The following ARHGAP24 variants were observed in gnomAD, a reference collection of about 807,000 sequenced individuals.
ARHGAP24 encodes the protein Rho GTPase activating protein 24.
ARHGAP24 carries 50 observed loss-of-function variants against 76.4 expected under a neutral mutation model. The observed-to-expected ratio is 0.65, with a 90% CI of 0.52 to 0.83. The LOEUF (loss-of-function observed/expected upper bound fraction) is 0.83, where lower values mean the gene tolerates loss of function less well. Ranked by LOEUF, ARHGAP24 falls within the 40% of genes least tolerant of loss-of-function variation. The pLI, the probability that ARHGAP24 is intolerant of heterozygous loss-of-function variation, is 0.00. For missense variants in ARHGAP24, 930 were observed against 914.2 expected (o/e 1.02, Z -0.22); for synonymous variants, 345 against 323.3 (o/e 1.07, Z -0.72).
intron 2 of ARHGAP24, among the ~76,000 whole-genome samples, chr4:85,615,549 A>G (rs1266470444): frequency 2.0e-5 from 3 of 152,152 alleles, no homozygotes; most frequent in Non-Finnish European, 4.4e-5. Context: ...CTTTTCCACA[A>G]TTCTCAGTTG....
At chr4:85,895,001 C>CAAAAAAAAAAAAAAAAAAA (rs1222078793) in intron 3 of ARHGAP24, among the ~76,000 whole-genome samples, 12 of 54,334 alleles carry the variant, frequency 2.2e-4, no homozygotes, top group African/African-American at 3.3e-4. Flanking sequence ...AAACAAAAAG[C>CAAAAAAAAAAAAAAAAAAA]AAAAAAAAAA....
At chr4:85,630,994 T>TAC (rs537432522) in intron 2 of ARHGAP24, among the ~76,000 whole-genome samples, 281 of 152,028 alleles carry the variant, frequency 1.8e-3, no homozygotes, top group African/African-American at 6.7e-3. Context: ...CACGTATATA[T>TAC]ACACACACAT....
chr4:85,656,417 G>GACA, intron 2 of ARHGAP24, among the ~76,000 whole-genome samples: 1 of 151,916 alleles, frequency 6.6e-6, no homozygotes, highest in Non-Finnish European at 1.5e-5. Context: ...TAATATGATA[G>GACA]GACTTTAGAA....
At chr4:85,615,743 T>A (rs1397158200) in intron 2 of ARHGAP24, among the ~76,000 whole-genome samples, 1 of 152,216 alleles carries the variant, frequency 6.6e-6, no homozygotes, top group East Asian at 1.9e-4. Context: ...GACTGTAGTA[T>A]GAATTGTGAA....
chr4:85,700,763 A>G (rs939141487), intron 2 of ARHGAP24, among the ~76,000 whole-genome samples: 1 of 150,916 alleles, frequency 6.6e-6, no homozygotes, highest in South Asian at 2.1e-4. Flanking sequence ...CTCTTTTATT[A>G]TGAAGAGTTT....
At chr4:85,805,736 A>G (rs958373548) in intron 3 of ARHGAP24, among the ~76,000 whole-genome samples, 18 of 152,290 alleles carry the variant, frequency 1.2e-4, no homozygotes, top group African/African-American at 3.9e-4. Context: ...TTGATGCCCC[A>G]TTAGTGCTCA....
At chr4:85,676,751 T>A (rs1417225344) in intron 2 of ARHGAP24, among the ~76,000 whole-genome samples, 1 of 152,216 alleles carries the variant, frequency 6.6e-6, no homozygotes, top group Non-Finnish European at 1.5e-5. Context: ...TACCCATTCA[T>A]CTTTTCAAAG....
At chr4:85,901,844 C>T (rs955576483) in intron 3 of ARHGAP24, among the ~76,000 whole-genome samples, 2 of 151,796 alleles carry the variant, frequency 1.3e-5, no homozygotes, top group African/African-American at 4.8e-5. Flanking sequence ...GTTCTGGATA[C>T]ATGTGCTGAA....
intron 2 of ARHGAP24, among the ~76,000 whole-genome samples, chr4:85,607,306 C>T (rs1454149297): frequency 6.6e-6 from 1 of 150,580 alleles, no homozygotes; most frequent in Non-Finnish European, 1.5e-5. Flanking sequence ...TTTATTTTAG[C>T]CACAAAGATT....
At chr4:85,978,494 T>A (rs1294124836) in intron 8 of ARHGAP24, among the ~76,000 whole-genome samples, 1 of 152,168 alleles carries the variant, frequency 6.6e-6, no homozygotes, top group Non-Finnish European at 1.5e-5. Context: ...TCAGTTTGAT[T>A]TCCTTTGTTA....
At chr4:85,535,310 C>T (rs1229729106) in intron 1 of ARHGAP24, among the ~76,000 whole-genome samples, 1 of 152,170 alleles carries the variant, frequency 6.6e-6, no homozygotes, top group African/African-American at 2.4e-5. Context: ...AAGTATCCTA[C>T]TTATATATGA....
At chr4:85,652,690 A>G (rs10028585) in intron 2 of ARHGAP24, among the ~76,000 whole-genome samples, 59,465 of 151,988 alleles carry the variant, frequency 0.39, 13,146 homozygotes, top group East Asian at 0.84. Context: ...GTAAAAGAGA[A>G]GAGTGGAAAT....
At chr4:85,809,737 G>C (rs562576859) in intron 3 of ARHGAP24, among the ~76,000 whole-genome samples, 42 of 152,290 alleles carry the variant, frequency 2.8e-4, no homozygotes, top group African/African-American at 1.0e-3. Flanking sequence ...GCAATGCATG[G>C]TGAAAGGGTA....
intron 2 of ARHGAP24, among the ~76,000 whole-genome samples, chr4:85,650,181 T>G (rs1721882864): frequency 7.3e-6 from 1 of 137,616 alleles, no homozygotes; most frequent in African/African-American, 3.6e-5. Flanking sequence ...CTTTCAAATG[T>G]TGTGCCATGA....
intron 2 of ARHGAP24, among the ~76,000 whole-genome samples, chr4:85,682,465 A>T (rs1344318251): frequency 6.6e-6 from 1 of 152,236 alleles, no homozygotes; most frequent in African/African-American, 2.4e-5. Context: ...AGGGAAATCA[A>T]AGACAGCCAT....
chr4:85,782,917 C>T (rs1355447573), intron 3 of ARHGAP24, among the ~76,000 whole-genome samples: 3 of 152,082 alleles, frequency 2.0e-5, no homozygotes, highest in Non-Finnish European at 4.4e-5. Flanking sequence ...TTTAAAAAGA[C>T]ATCGACAAAT....
At chr4:85,884,186 T>A (rs1733425160) in intron 3 of ARHGAP24, among the ~76,000 whole-genome samples, 1 of 152,216 alleles carries the variant, frequency 6.6e-6, no homozygotes, top group South Asian at 2.1e-4. Flanking sequence ...AATTCCAGTT[T>A]ATTTTATAGA....
intron 2 of ARHGAP24, among the ~76,000 whole-genome samples, chr4:85,695,302 T>C (rs1364615048): frequency 1.3e-5 from 2 of 152,216 alleles, no homozygotes; most frequent in Non-Finnish European, 2.9e-5. Context: ...CATATTCTCC[T>C]AGATCATGGC....
intron 2 of ARHGAP24, among the ~76,000 whole-genome samples, chr4:85,680,106 A>G (rs1363175257): frequency 1.3e-5 from 2 of 152,288 alleles, no homozygotes; most frequent in African/African-American, 2.4e-5. Flanking sequence ...GTGCATCATC[A>G]ACACCGCAGT....
Sources: allele counts gnomAD v4.1 joint callset (sites outside exome capture counted in the v4.1 genomes callset), GRCh38; gene constraint gnomAD v4.1.1; transcripts MANE v1.5; gene names NCBI Gene and HGNC (gene_info 2026-07-23, HGNC 2026-07-21).